Variants in ATP9B observed in about 807,000 individuals in gnomAD.
ATP9B encodes the protein probable phospholipid-transporting ATPase IIB.
A neutral mutation model predicts 146.1 loss-of-function variants in ATP9B; 110 were observed. The observed-to-expected ratio is 0.75, with a 90% CI of 0.65 to 0.88. ATP9B has a LOEUF of 0.88. ATP9B is among the 40% of genes least tolerant of loss of function. The pLI is 0.00. For missense variants in ATP9B, 1,499 were observed against 1,496.4 expected (o/e 1.00, Z -0.03); for synonymous variants, 604 against 569.7 (o/e 1.06, Z -0.86).
At chr18:79,221,458 G>A (rs972080969) in intron 11 of ATP9B, among the ~76,000 whole-genome samples, 25 of 152,208 alleles carry the variant, frequency 1.6e-4, no homozygotes, top group African/African-American at 5.8e-4. Flanking sequence ...ACAGTGGCTC[G>A]TGCCTGTAAT....
At chr18:79,100,061 C>T (rs1182270296) in intron 2 of ATP9B, among the ~76,000 whole-genome samples, 6 of 152,044 alleles carry the variant, frequency 3.9e-5, no homozygotes, top group South Asian at 2.1e-4. Context: ...CAGGAGGCGG[C>T]GGTTGCAGTG....
At chr18:79,348,277 C>T in intron 25 of ATP9B, 81 bp downstream of exon 25, 3 of 1,193,108 alleles carry the variant, frequency 2.5e-6, no homozygotes, top group South Asian at 1.3e-5. Context: ...AAACAAAAAA[C>T]GTATATAGAA....
intron 13 of ATP9B, among the ~76,000 whole-genome samples, chr18:79,301,290 C>G (rs546770897): frequency 2.6e-5 from 4 of 152,224 alleles, no homozygotes; most frequent in Non-Finnish European, 5.9e-5. Flanking sequence ...TCGGGAGTTC[C>G]AGACCAGCCT....
chr18:79,139,140 T>C (rs2094483664), intron 5 of ATP9B, among the ~76,000 whole-genome samples: 1 of 152,244 alleles, frequency 6.6e-6, no homozygotes, highest in African/African-American at 2.4e-5. Context: ...CCTTAGTTGC[T>C]AGTATTTGTG....
chr18:79,371,900 C>T (rs2097073178), intron 26 of ATP9B, among the ~76,000 whole-genome samples: 1 of 152,266 alleles, frequency 6.6e-6, no homozygotes, highest in African/African-American at 2.4e-5. Flanking sequence ...TTCTTAGCAC[C>T]ACCAGCCTCC....
At chr18:79,327,659 T>TTAGCGTGCTCTCTGTGG (rs2096761245) in intron 15 of ATP9B, among the ~76,000 whole-genome samples, 1 of 105,956 alleles carries the variant, frequency 9.4e-6, no homozygotes, top group Non-Finnish European at 1.9e-5. Flanking sequence ...GCTCTCCGTG[T>TTAGCGTGCTCTCTGTGG]TTAGCGTGCT....
chr18:79,339,935 T>C (rs1163476767), intron 19 of ATP9B, among the ~76,000 whole-genome samples: 1 of 152,206 alleles, frequency 6.6e-6, no homozygotes, highest in African/African-American at 2.4e-5. Context: ...TAAACTTAAT[T>C]GTATTGTACA....
chr18:79,347,135 A>T (rs1415680386), intron 23 of ATP9B, among the ~76,000 whole-genome samples: 4 of 152,052 alleles, frequency 2.6e-5, no homozygotes, highest in African/African-American at 9.7e-5. Flanking sequence ...CTCCTGGCCA[A>T]CTGAGCTGTG....
intron 13 of ATP9B, among the ~76,000 whole-genome samples, chr18:79,295,963 G>A: frequency 6.6e-6 from 1 of 152,210 alleles, no homozygotes; most frequent in Non-Finnish European, 1.5e-5. Flanking sequence ...AAACCACTTG[G>A]TTTATGGTAT....
intron 26 of ATP9B, chr18:79,362,527 T>C (rs2096996104): frequency 6.6e-6 from 1 of 152,272 alleles, no homozygotes; most frequent in African/African-American, 2.4e-5. Context: ...TATTAAACTT[T>C]ACTCACGATG....
intron 26 of ATP9B, among the ~76,000 whole-genome samples, chr18:79,368,925 C>CG (rs2147959393): frequency 6.6e-6 from 1 of 152,166 alleles, no homozygotes; most frequent in South Asian, 2.1e-4. Context: ...AGGCCAGAGA[C>CG]GCGTGCAGAG....
At chr18:79,354,915 ACT>A (rs1353468723) in intron 25 of ATP9B, among the ~76,000 whole-genome samples, 1 of 152,052 alleles carries the variant, frequency 6.6e-6, no homozygotes, top group South Asian at 2.1e-4. Flanking sequence ...GATGATCGTC[ACT>A]CTACTCCAGC....
intron 25 of ATP9B, among the ~76,000 whole-genome samples, chr18:79,354,872 C>T (rs994251263): frequency 4.6e-5 from 7 of 152,174 alleles, no homozygotes; most frequent in East Asian, 3.8e-4. Flanking sequence ...CGTGGGTCCA[C>T]GAAAGGGGCA....
chr18:79,179,824 A>T (rs1025039922), intron 8 of ATP9B, among the ~76,000 whole-genome samples: 1 of 152,156 alleles, frequency 6.6e-6, no homozygotes, highest in African/African-American at 2.4e-5. Context: ...AGTGTTGTTT[A>T]AAAAAGTTTT....
At chr18:79,099,496 C>T (rs2075094172) in intron 2 of ATP9B, among the ~76,000 whole-genome samples, 1 of 152,220 alleles carries the variant, frequency 6.6e-6, no homozygotes, top group Non-Finnish European at 1.5e-5. Flanking sequence ...GTTGGAATTA[C>T]AGGCGTGAGC....
In ATP9B at chr18:79,240,378, G is replaced by A. The variant is rs1409032150; in HGVS notation, c.1108-13003G>A. On this transcript the variant is annotated intron_variant, in intron 11 of 29. Transcript: ENST00000426216. ...GCTTTACCACATCCAAATAAAAATA[G>A]TAAAAGAGAAACATTTTGATAAAGA... Among the ~76,000 whole-genome samples the A allele has an allele frequency of 3.3e-5, 5 of 152,336 alleles. No individual in the cohort carries two copies. The East Asian group carries it at 9.6e-4, about 29-fold the overall frequency.
intron 1 of ATP9B, among the ~76,000 whole-genome samples, chr18:79,087,947 C>A (rs1282813380): frequency 2.0e-5 from 3 of 152,026 alleles, no homozygotes; most frequent in East Asian, 1.9e-4. Flanking sequence ...GTTGATTTTT[C>A]TTGAGTGACA....
intron 9 of ATP9B, among the ~76,000 whole-genome samples, chr18:79,197,195 C>A (rs1449725045): frequency 1.3e-5 from 2 of 151,954 alleles, no homozygotes; most frequent in Non-Finnish European, 2.9e-5. Flanking sequence ...GACTTTCTGC[C>A]TGTAAATGTA....
chr18:79,172,699 A>G (rs1271287765), intron 7 of ATP9B, among the ~76,000 whole-genome samples: 1 of 152,282 alleles, frequency 6.6e-6, no homozygotes, highest in East Asian at 1.9e-4. Flanking sequence ...AAGTTGTTGT[A>G]TATGTCAATA....
Sources: allele counts gnomAD v4.1 joint callset (sites outside exome capture counted in the v4.1 genomes callset), GRCh38; gene constraint gnomAD v4.1.1; transcripts MANE v1.5; gene names NCBI Gene and HGNC (gene_info 2026-07-23, HGNC 2026-07-21).